The following SERAC1 variants were observed in gnomAD, a reference collection of about 807,000 sequenced individuals.
SERAC1 encodes the protein serine active site containing 1, also known as protein SERAC1.
A neutral mutation model predicts 85.7 loss-of-function variants in SERAC1; 36 were observed. The observed-to-expected ratio is 0.42, with a 90% CI of 0.32 to 0.55. The LOEUF (loss-of-function observed/expected upper bound fraction) is 0.55, where lower values mean the gene tolerates loss of function less well. Ranked by LOEUF, SERAC1 falls within the 20% of genes least tolerant of loss-of-function variation. The probability of loss-of-function intolerance (pLI) is 0.11; values close to 1 mark genes in which losing one functional copy is unlikely to be tolerated. For missense variants in SERAC1, 629 were observed against 796.2 expected (o/e 0.79, Z 2.53); for synonymous variants, 242 against 265.3 (o/e 0.91, Z 0.85).
chr6:158,148,763 T>C (rs930193497), intron 5 of SERAC1, 102 bp downstream of exon 5: 35 of 830,860 alleles, frequency 4.2e-5, no homozygotes, highest in African/African-American at 7.0e-5. Flanking sequence ...TCCATAGCTA[T>C]AAAAAATATT....
At chr6:158,146,726 T>C in intron 6 of SERAC1, 56 bp downstream of exon 6, 2 of 1,604,096 alleles carry the variant, frequency 1.2e-6, no homozygotes, top group African/African-American at 1.3e-5. Context: ...TTGTCTTTTA[T>C]GTCAGCAATC....
Position 158,117,852 on chromosome 6 carries a change from G to C in SERAC1, c.1309-31C>G, listed in dbSNP as rs768738764. ...TAAAATAAAACATATGTGAGAACAA[G>C]TATGAATCTTCACCACTGCAATTAC... On this transcript the variant is annotated intron_variant, in intron 12 of 16. Transcript: ENST00000647468. The surrounding 1 kb of genome is among the most constrained non-coding windows in gnomAD (Gnocchi z 4.3). 6.4e-7 allele frequency: 1 copy of C among 1,558,180 alleles called. No individual in the cohort carries two copies. The highest frequency in any genetic ancestry group is 8.8e-7 in the Non-Finnish European group (1 of 1,131,260).
At chr6:158,142,147 A>G (rs1197492749) in intron 8 of SERAC1, among the ~76,000 whole-genome samples, 1 of 152,006 alleles carries the variant, frequency 6.6e-6, no homozygotes, top group Non-Finnish European at 1.5e-5. Context: ...ATTCACTGAT[A>G]GCCTTTTACT....
chr6:158,146,658 G>T (rs769725958), intron 6 of SERAC1, 124 bp downstream of exon 6: 50 of 1,173,134 alleles, frequency 4.3e-5, no homozygotes, highest in East Asian at 5.2e-5. Context: ...GATCCAACCA[G>T]CGTGGCCTCC....
At position 158,143,117 on chromosome 6, in the gene SERAC1, C is replaced by A. The variant is rs1243289662; in HGVS notation, c.677G>T (p.Cys226Phe). ...ASLPQTELDE[C>F]IQYFTSLALS... ...AGCCAAAGATGTAAAATACTGGATA[C>A]ACTCATCTAGCTCTGTTTGAGGTAA... The change falls in exon 8 of 17, where the codon TGT becomes TTT. Residue 226 changes from cysteine to phenylalanine, a missense_variant. Coordinates refer to ENST00000647468, the MANE Select transcript of SERAC1 (RefSeq NM_032861.4). 7 of 1,613,492 alleles carry A rather than the reference C, an allele frequency of 4.3e-6. No individual in the cohort carries two copies. In the Admixed American group the frequency reaches 8.3e-5, roughly 19 times the overall value.
At chr6:158,127,363 G>A (rs1784567100) in intron 10 of SERAC1, among the ~76,000 whole-genome samples, 1 of 42,980 alleles carries the variant, frequency 2.3e-5, no homozygotes, top group Non-Finnish European at 4.9e-5. Context: ...CCCCGTCCGG[G>A]AGGGAGGTGG....
In SERAC1 at chr6:158,120,143, G is replaced by A. The variant is rs827669; in HGVS notation, c.1166+282C>T. Among the ~76,000 whole-genome samples, 80,710 of 151,984 alleles carry A rather than the reference G, an allele frequency of 0.53. 21,777 individuals carry two copies. The highest frequency in any genetic ancestry group is 0.61 in the African/African-American group (25,430 of 41,442). ...AAATGCCTTGAACCAAAGGAGATAT[G>A]TATTACAAAGTTTAAGTGTGACGCA... On this transcript the variant is annotated intron_variant, in intron 11 of 16. Coordinates refer to ENST00000647468, the MANE Select transcript of SERAC1 (RefSeq NM_032861.4). This position sits in a 1 kb window ranked among gnomAD's most constrained non-coding sequence, Gnocchi z 4.4.
rs529508388 is a variant in SERAC1 at position 158,118,955 on chromosome 6, A to G, written c.1308+74T>C. 2.5e-5 allele frequency: 39 copies of G among 1,533,412 alleles called. No individual in the cohort carries two copies. The East Asian group carries it at 8.4e-4, about 33-fold the overall frequency. The allele number at this position is 1,533,412 out of a possible 1,614,324, so 95.0% of individuals were successfully genotyped here. A position where few individuals can be genotyped will look rare whatever the true frequency, so the allele number is the denominator to read the frequency against. Reference sequence around the variant, plus strand: ...AAAAAAATCCCAGAACAAAGAGAAAAACAAGCAAGCCACAATCAGGGCCCC... The same window carrying G: ...AAAAAAATCCCAGAACAAAGAGAAAGACAAGCAAGCCACAATCAGGGCCCC... On this transcript the variant is annotated intron_variant, in intron 12 of 16. Coordinates refer to ENST00000647468, the MANE Select transcript of SERAC1 (RefSeq NM_032861.4).
rs1784387081 is a variant in SERAC1, at chr6:158,120,298, G to C, written c.1166+127C>G. 8.1e-6 allele frequency: 8 copies of C among 981,946 alleles called. No homozygotes were observed. The highest frequency in any genetic ancestry group is 1.1e-5 in the Non-Finnish European group (8 of 699,782). 60.8% of individuals were successfully genotyped at this position (981,946 alleles called of 1,614,324 possible). A position where few individuals can be genotyped will look rare whatever the true frequency, so the allele number is the denominator to read the frequency against. ...TGGTTACTATAGACAAATTATTTTA[G>C]TAAATAAGATATTTGACTTATAAGT... On this transcript the variant is annotated intron_variant, in intron 11 of 16. Transcript: ENST00000647468. The surrounding 1 kb of genome is among the most constrained non-coding windows in gnomAD (Gnocchi z 4.4).
intron 8 of SERAC1, among the ~76,000 whole-genome samples, chr6:158,131,843 G>T (rs1307802294): frequency 6.6e-6 from 1 of 152,160 alleles, no homozygotes; most frequent in African/African-American, 2.4e-5. Flanking sequence ...ATCAATGGGG[G>T]TTAGTTAAAT....
intron 8 of SERAC1, among the ~76,000 whole-genome samples, chr6:158,140,927 G>GT (rs905564789): frequency 4.0e-5 from 6 of 151,556 alleles, no homozygotes; most frequent in South Asian, 2.1e-4. Flanking sequence ...GTACAGTACA[G>GT]TTTTTTTTTC....
chr6:158,133,999 T>A (rs757790969), intron 8 of SERAC1, among the ~76,000 whole-genome samples: 1 of 152,214 alleles, frequency 6.6e-6, no homozygotes, highest in Non-Finnish European at 1.5e-5. Context: ...TCATATCACA[T>A]CTCATGTTGC....
chr6:158,158,416 C>CTACAAGA, intron 1 of SERAC1, 52 bp from the exon 2 acceptor site: 1 of 1,377,276 alleles, frequency 7.3e-7, no homozygotes. Context: ...TAAATCAAAA[C>CTACAAGA]ACTTGTTTTA....
chr6:158,127,156 T>C (rs1784558422), intron 10 of SERAC1, among the ~76,000 whole-genome samples: 1 of 152,092 alleles, frequency 6.6e-6, no homozygotes, highest in South Asian at 2.1e-4. Context: ...TTATCTACAA[T>C]CTCAAGCAAT....
intron 2 of SERAC1, among the ~76,000 whole-genome samples, chr6:158,157,378 C>T (rs1785379479): frequency 1.3e-5 from 2 of 152,124 alleles, no homozygotes; most frequent in African/African-American, 4.8e-5. Flanking sequence ...CATTTGTCCT[C>T]ACTTCTCTTT....
rs867461960 is a variant in SERAC1 at position 158,157,099 on chromosome 6, C to T, written c.91+1174G>A. ...GCAATCTCCACCTCCTGGGTTGAAG[C>T]GATCCTCCTGCCTCAGCTTCCTGAG... is the stretch of plus-strand genomic sequence containing the variant. On this transcript the variant is annotated intron_variant, in intron 2 of 16. Transcript: ENST00000647468. Among the ~76,000 whole-genome samples the T allele has an allele frequency of 7.9e-5, 12 of 151,242 alleles. No homozygotes were observed. The Middle Eastern group carries it at 0.01, about 129-fold the overall frequency.
intron 8 of SERAC1, among the ~76,000 whole-genome samples, chr6:158,131,519 ATAAAC>A (rs1784676036): frequency 6.7e-6 from 1 of 149,960 alleles, no homozygotes; most frequent in Non-Finnish European, 1.5e-5. Context: ...ATAAATATAT[ATAAAC>A]AACGCTCAGC....
At chr6:158,114,712 A>AGGAATATAAAATGAGATAATACATTCAT in intron 15 of SERAC1, 77 bp downstream of exon 15, 2 of 1,594,298 alleles carry the variant, frequency 1.3e-6, no homozygotes, top group Non-Finnish European at 8.6e-7. Flanking sequence ...AATACATTCA[A>AGGAATATAAAATGAGATAATACATTCAT]GGAAGAAACT....
At chr6:158,121,387 G>A (rs913383224) in intron 10 of SERAC1, among the ~76,000 whole-genome samples, 1 of 152,036 alleles carries the variant, frequency 6.6e-6, no homozygotes, top group Non-Finnish European at 1.5e-5. Flanking sequence ...AGCAGAATAT[G>A]GGCCTTGAAG....
Sources: allele counts gnomAD v4.1 joint callset (sites outside exome capture counted in the v4.1 genomes callset), GRCh38; gene constraint gnomAD v4.1.1; non-coding constraint Gnocchi (gnomAD v3.1); transcripts MANE v1.5; gene names NCBI Gene and HGNC (gene_info 2026-07-23, HGNC 2026-07-21).